The following BOC variants were observed in gnomAD, a reference collection of about 807,000 sequenced individuals.
The protein encoded by BOC is BOC cell adhesion associated, oncogene regulated, also known as brother of CDO.
Under a neutral mutation model 112.0 loss-of-function variants are expected in BOC, and 76 were observed. The ratio of observed to expected loss-of-function variants is 0.68; its 90% CI spans 0.56 to 0.82. The LOEUF (loss-of-function observed/expected upper bound fraction) is 0.82, where lower values mean the gene tolerates loss of function less well. Ranked by LOEUF, BOC falls within the 40% of genes least tolerant of loss-of-function variation. The pLI is 0.00. For missense variants in BOC, 1,309 were observed against 1,511.7 expected (o/e 0.87, Z 2.22); for synonymous variants, 580 against 599.8 (o/e 0.97, Z 0.48).
intron 4 of BOC, among the ~76,000 whole-genome samples, chr3:113,267,810 C>T (rs1195096016): frequency 6.6e-6 from 1 of 152,210 alleles, no homozygotes; most frequent in Non-Finnish European, 1.5e-5. Context: ...TCACTGCAAG[C>T]TCTGCCTCCT....
At chr3:113,236,282 GTATATATATATAT>G (rs1943483874) in intron 2 of BOC, among the ~76,000 whole-genome samples, 1 of 64,520 alleles carries the variant, frequency 1.5e-5, no homozygotes, top group African/African-American at 4.4e-5. Context: ...ATACCCATGG[GTATATATATATAT>G]ATATATATAT....
At chr3:113,233,405 G>A (rs1942979717) in intron 2 of BOC, among the ~76,000 whole-genome samples, 1 of 152,150 alleles carries the variant, frequency 6.6e-6, no homozygotes, top group Admixed American at 6.5e-5. Context: ...GCAAGTGACA[G>A]CTTAATTGGA....
intron 2 of BOC, among the ~76,000 whole-genome samples, chr3:113,234,433 T>C (rs1187106010): frequency 6.6e-6 from 1 of 152,216 alleles, no homozygotes; most frequent in Non-Finnish European, 1.5e-5. Flanking sequence ...TCCTGATGCC[T>C]TTGTTAGTGT....
intron 6 of BOC, 51 bp downstream of exon 6, chr3:113,270,995 C>A (rs1559867667): frequency 6.2e-7 from 1 of 1,611,704 alleles, no homozygotes; most frequent in East Asian, 2.2e-5. Flanking sequence ...GATGGAAGGG[C>A]TCACAAAGAT....
intron 2 of BOC, among the ~76,000 whole-genome samples, chr3:113,222,595 G>T (rs1940920469): frequency 6.6e-6 from 1 of 152,208 alleles, no homozygotes; most frequent in African/African-American, 2.4e-5. Flanking sequence ...CCGTGTCGGG[G>T]GATGTAAGCA....
At chr3:113,238,017 G>C (rs1039324354) in intron 2 of BOC, among the ~76,000 whole-genome samples, 2 of 152,204 alleles carry the variant, frequency 1.3e-5, no homozygotes, top group African/African-American at 4.8e-5. Flanking sequence ...ACAGACAGAT[G>C]CATGATCAAA....
intron 2 of BOC, among the ~76,000 whole-genome samples, chr3:113,246,395 C>T (rs1944925406): frequency 6.6e-6 from 1 of 152,202 alleles, no homozygotes; most frequent in East Asian, 1.9e-4. Context: ...CTTCACCCAA[C>T]TTTGAAATTG....
At chr3:113,236,735 G>T (rs904855513) in intron 2 of BOC, among the ~76,000 whole-genome samples, 5 of 152,110 alleles carry the variant, frequency 3.3e-5, no homozygotes, top group African/African-American at 1.2e-4. Flanking sequence ...AATGGAGCAT[G>T]TCTTTAGGTC....
Position 113,270,807 on chromosome 3 carries a change from A to C in BOC, c.530A>C (p.Tyr177Ser). ...GGCCCTGCCCTTTCCACAGGTAACT[A>C]CCTGATCATGCCCTCAGGGAACCTC... ...QEWLEASRGN[Y>S]LIMPSGNLQI... Residue 177 changes from tyrosine (Y) to serine (S), a missense_variant, in exon 6 of 20, where the codon TAC becomes TCC. Tyr to Ser is a moderately radical substitution (Grantham distance 144). Coordinates refer to ENST00000682979, the MANE Select transcript of BOC (RefSeq NM_001378074.1). 1.2e-6 allele frequency: 2 copies of C among 1,611,500 alleles called. No individual in the cohort carries two copies. The highest frequency in any genetic ancestry group is 2.2e-5 in the East Asian group (1 of 44,874).
rs1386395239 is a variant in BOC at position 113,274,166 on chromosome 3, G to A, written c.1235-209G>A. ...GCCACCCCTGAGCCCTGGCCAGGCAGGCCAGCCTGCCTTTTCCTTCTGGCA... is the reference window on the plus strand; with the variant it reads ...GCCACCCCTGAGCCCTGGCCAGGCAAGCCAGCCTGCCTTTTCCTTCTGGCA... On this transcript the variant is annotated intron_variant, in intron 8 of 19. Transcript: ENST00000682979. The surrounding 1 kb of genome is among the most constrained non-coding windows in gnomAD (Gnocchi z 4.8). 1.3e-5 allele frequency among the ~76,000 whole-genome samples: 2 copies of A among 152,216 alleles called. No homozygotes were observed. Among genetic ancestry groups the A allele is most frequent in the Non-Finnish European group, 2.9e-5 (2 of 68,036 alleles).
chr3:113,213,747 C>T (rs1016564860), intron 1 of BOC, among the ~76,000 whole-genome samples: 12 of 152,164 alleles, frequency 7.9e-5, no homozygotes, highest in African/African-American at 2.7e-4. Context: ...ACCTTGGGGT[C>T]AGTGGGACAG....
chr3:113,238,446 C>T (rs1016399377), intron 2 of BOC, among the ~76,000 whole-genome samples: 5 of 152,304 alleles, frequency 3.3e-5, no homozygotes, highest in Admixed American at 3.3e-4. Flanking sequence ...TTTAACTCAG[C>T]TGCTTTTTAG....
chr3:113,246,180 G>C (rs769056560), intron 2 of BOC, among the ~76,000 whole-genome samples: 63 of 152,150 alleles, frequency 4.1e-4, no homozygotes, highest in Non-Finnish European at 7.5e-4. Context: ...GCAGTTAAAT[G>C]TTTCAGACCC....
chr3:113,221,620 T>C (rs1940674691), intron 2 of BOC, among the ~76,000 whole-genome samples: 1 of 152,250 alleles, frequency 6.6e-6, no homozygotes, highest in African/African-American at 2.4e-5. Flanking sequence ...TCCTGAATTC[T>C]GTACCTTCTC....
At chr3:113,270,716 C>T in intron 5 of BOC, 85 bp from the exon 6 acceptor site, 9 of 1,484,230 alleles carry the variant, frequency 6.1e-6, no homozygotes, top group Middle Eastern at 1.8e-4. Flanking sequence ...GTTCCTCTCC[C>T]TCCGTGCACC....
At chr3:113,232,159 T>G (rs1216339323) in intron 2 of BOC, among the ~76,000 whole-genome samples, 2 of 152,188 alleles carry the variant, frequency 1.3e-5, no homozygotes, top group African/African-American at 2.4e-5. Flanking sequence ...ACTTTGCTCC[T>G]GCTGTAAACA....
At chr3:113,222,416 T>A (rs1940868326) in intron 2 of BOC, among the ~76,000 whole-genome samples, 1 of 152,086 alleles carries the variant, frequency 6.6e-6, no homozygotes, top group South Asian at 2.1e-4. Flanking sequence ...CTGGAGTATA[T>A]GTATATGGGG....
chr3:113,220,224 A>G (rs184582621), intron 2 of BOC, among the ~76,000 whole-genome samples: 1 of 152,324 alleles, frequency 6.6e-6, no homozygotes, highest in East Asian at 1.9e-4. Context: ...CCTGCAGAAC[A>G]GTAACGCAGA....
At chr3:113,223,091 G>GA (rs1256081170) in intron 2 of BOC, among the ~76,000 whole-genome samples, 1 of 152,130 alleles carries the variant, frequency 6.6e-6, no homozygotes, top group East Asian at 1.9e-4. Context: ...TGGAAGCTGA[G>GA]AAAAAATAAA....
Sources: gnomAD v4.1 joint callset for allele counts (sites outside exome capture counted in the v4.1 genomes callset) on GRCh38, gnomAD v4.1.1 for gene constraint, Gnocchi (gnomAD v3.1) non-coding constraint, MANE v1.5 for transcripts, NCBI Gene and HGNC (gene_info 2026-07-23, HGNC 2026-07-21) for gene names.